The following FAM86B2 variants were observed in gnomAD, a reference collection of about 807,000 sequenced individuals.
FAM86B2 encodes putative protein N-methyltransferase FAM86B2.
A neutral mutation model predicts 26.5 loss-of-function variants in FAM86B2; 1 was observed. The observed-to-expected ratio is 0.04, with a 90% CI of 0.01 to 0.18. The LOEUF (loss-of-function observed/expected upper bound fraction) is 0.18, where lower values mean the gene tolerates loss of function less well. Ranked by LOEUF, FAM86B2 falls within the 10% of genes least tolerant of loss-of-function variation. The pLI, the probability that FAM86B2 is intolerant of heterozygous loss-of-function variation, is 1.00. For missense variants in FAM86B2, 43 were observed against 303.5 expected (o/e 0.14, Z 6.38); for synonymous variants, 11 against 127.8 (o/e 0.09, Z 6.17).
At chr8:12,426,262 G>A (rs1156835710) in intron 7 of FAM86B2, among the ~76,000 whole-genome samples, 15 of 147,214 alleles carry the variant, frequency 1.0e-4, no homozygotes, top group Non-Finnish European at 1.7e-4. Context: ...CAGGACAGAA[G>A]CAGAGATCTG....
In FAM86B2 at chr8:12,424,818, G is replaced by T. The variant is rs1180658671; in HGVS notation, c.*1071C>A. ...CTGGGGTCAGCCAAGTGGTGACCTG[G>T]GATGGGGTGGGGACAGGCAATGAGT... On this transcript the variant is annotated 3_prime_UTR_variant, in exon 8 of 8. Transcript: ENST00000262365. The T allele has an allele frequency of 5.5e-6, 5 of 906,570 alleles. No individual in the cohort carries two copies. Among genetic ancestry groups the T allele is most frequent in the Non-Finnish European group, 7.5e-6 (5 of 662,766 alleles). 56.2% of individuals were successfully genotyped at this position (906,570 alleles called of 1,614,324 possible). A position where few individuals can be genotyped will look rare whatever the true frequency, so the allele number is the denominator to read the frequency against.
At position 12,429,032 on chromosome 8, in the gene FAM86B2, G is replaced by C. The variant is rs1204276298; in HGVS notation, c.425C>G (p.Ala142Gly). The change falls in exon 5 of 8, where the codon GCC (alanine) becomes GGC (glycine). Residue 142 changes from alanine (A) to glycine (G), a missense_variant. Coordinates refer to ENST00000262365, the MANE Select transcript of FAM86B2 (RefSeq NM_001137610.3). ...GTTGLVTWDA[A>G]LYLAEWAIEN... ...GATGGCCCATTCTGCAAGGTAGAGG[G>C]CGGCATCCCATGTGACCAGGCCTGT... is the stretch of plus-strand genomic sequence containing the variant. The C allele has an allele frequency of 2.2e-6, 1 of 461,392 alleles. No individual in the cohort carries two copies. The highest frequency in any genetic ancestry group is 2.1e-5 in the South Asian group (1 of 46,594). 28.6% of individuals were successfully genotyped at this position (461,392 alleles called of 1,614,324 possible).
chr8:12,435,785 A>T (rs1368338029), intron 1 of FAM86B2, among the ~76,000 whole-genome samples: 7 of 140,456 alleles, frequency 5.0e-5, no homozygotes, highest in African/African-American at 1.8e-4. Context: ...GCCTCAGCGC[A>T]TGAGCCGATT....
rs757154686 is a variant in FAM86B2, at chr8:12,427,651, G to A, written c.892+6C>T. On this transcript the variant is annotated splice_donor_region_variant and intron_variant, in intron 7 of 7. Transcript: ENST00000262365. ...CATGTAGGCCCGGGTGGGCGTGGGG[G>A]TTCACCTAGCTCGGTGGTGAACAGC... 1.9e-5 allele frequency: 21 copies of A among 1,095,174 alleles called. 6 individuals are homozygous for A. Among genetic ancestry groups the A allele is most frequent in the East Asian group, 3.0e-5 (1 of 33,802 alleles). 67.8% of individuals were successfully genotyped at this position (1,095,174 alleles called of 1,614,324 possible). A position where few individuals can be genotyped will look rare whatever the true frequency, so the allele number is the denominator to read the frequency against.
intron 7 of FAM86B2, among the ~76,000 whole-genome samples, chr8:12,426,462 G>C (rs1333675096): frequency 2.9e-5 from 2 of 69,282 alleles, no homozygotes; most frequent in Non-Finnish European, 5.4e-5. Flanking sequence ...TCTGAAGAAA[G>C]ACTTCCTTTT....
intron 6 of FAM86B2, among the ~76,000 whole-genome samples, chr8:12,428,380 G>C (rs1489368471): frequency 6.6e-6 from 1 of 151,948 alleles, no homozygotes; most frequent in African/African-American, 2.4e-5. Context: ...ACAGGGCATG[G>C]CTCTGGGACA....
chr8:12,433,591 A>G (rs1303466652), intron 2 of FAM86B2, among the ~76,000 whole-genome samples: 2 of 147,392 alleles, frequency 1.4e-5, no homozygotes, highest in African/African-American at 5.1e-5. Flanking sequence ...TGGCTGGGCC[A>G]GGTGGTGATC....
intron 1 of FAM86B2, among the ~76,000 whole-genome samples, chr8:12,434,922 C>G (rs1383047992): frequency 1.3e-5 from 2 of 151,724 alleles, no homozygotes; most frequent in African/African-American, 4.9e-5. Flanking sequence ...GGCTTTAAAG[C>G]CACTCTCATC....
In FAM86B2 at chr8:12,429,550, A is replaced by G. The variant is rs1397657110; in HGVS notation, c.343-436T>C. Among the ~76,000 whole-genome samples, 5 of 66,098 alleles carry G rather than the reference A, an allele frequency of 7.6e-5. 2 individuals carry two copies. Among genetic ancestry groups the G allele is most frequent in the Non-Finnish European group, 1.5e-4 (5 of 34,374 alleles). The allele number at this position is 66,098 out of a possible 152,430, so 43.4% of individuals were successfully genotyped here. On this transcript the variant is annotated intron_variant, in intron 4 of 7. Transcript: ENST00000262365. ...CAGTGGCACGATCTTGGCTTACTGC[A>G]ACATCTGCCTCCTGGGTTCAAGCAA...
At chr8:12,432,643 G>GCCT in intron 2 of FAM86B2, 2 of 131,466 alleles carry the variant, frequency 1.5e-5, no homozygotes, top group Non-Finnish European at 2.4e-5. Flanking sequence ...TCCAGGCAGT[G>GCCT]GGAACAGCCT....
chr8:12,435,827 C>G (rs1472366180), intron 1 of FAM86B2, among the ~76,000 whole-genome samples: 1 of 140,084 alleles, frequency 7.1e-6, no homozygotes, highest in Non-Finnish European at 1.6e-5. Flanking sequence ...GATGAGAACA[C>G]TGAGGCACGA....
intron 7 of FAM86B2, 134 bp from the exon 8 acceptor site, chr8:12,426,123 G>A (rs7842418): frequency 0.011 from 4,122 of 373,556 alleles, 3 homozygotes; most frequent in African/African-American, 0.049. Context: ...AGGTTCGGAG[G>A]CCCACCCACA....
In FAM86B2 at chr8:12,431,529, AAAAT is replaced by A. The variant is rs1199840194; in HGVS notation, c.240+549_240+552del. 3.6e-4 allele frequency among the ~76,000 whole-genome samples: 27 copies of A among 74,446 alleles called. 2 individuals carry two copies. The highest frequency in any genetic ancestry group is 1.7e-3 in the African/African-American group (24 of 14,088). The allele number at this position is 74,446 out of a possible 152,430, so 48.8% of individuals were successfully genotyped here. On this transcript the variant is annotated intron_variant, in intron 3 of 7. Transcript: ENST00000262365. ...AACATAGTGAGACTCTGTCTCAAAA[AAAAT>A]ATATAAATAAATAAATAAATAAATA...
chr8:12,433,694 C>T (rs1182122533), intron 2 of FAM86B2, among the ~76,000 whole-genome samples: 68 of 144,514 alleles, frequency 4.7e-4, no homozygotes, highest in African/African-American at 1.3e-3. Context: ...CAGGAGTGGG[C>T]GGGACAGGCC....
chr8:12,434,842 G>C (rs1798526009), intron 1 of FAM86B2, among the ~76,000 whole-genome samples: 1 of 150,442 alleles, frequency 6.6e-6, no homozygotes, highest in Non-Finnish European at 1.5e-5. Context: ...TTTGGGGAAG[G>C]CTTCCCTGAT....
intron 6 of FAM86B2, among the ~76,000 whole-genome samples, chr8:12,428,137 C>T (rs1456792332): frequency 1.0e-4 from 13 of 126,078 alleles, no homozygotes; most frequent in African/African-American, 1.7e-4. Context: ...AGGTGTCTGC[C>T]GATTGGTCTG....
At chr8:12,433,030 TTTTTA>T (rs1798312411) in intron 2 of FAM86B2, among the ~76,000 whole-genome samples, 2 of 129,798 alleles carry the variant, frequency 1.5e-5, no homozygotes, top group Non-Finnish European at 3.2e-5. Context: ...AGCTAATTTT[TTTTTA>T]TTTTTAGTAG....
intron 1 of FAM86B2, among the ~76,000 whole-genome samples, chr8:12,434,968 C>T (rs1228387747): frequency 6.6e-6 from 1 of 151,660 alleles, no homozygotes; most frequent in African/African-American, 2.4e-5. Context: ...TTCTCTGGCT[C>T]TCCCATGCAA....
intron 1 of FAM86B2, among the ~76,000 whole-genome samples, chr8:12,434,982 G>C (rs1380139704): frequency 1.3e-5 from 2 of 151,540 alleles, no homozygotes; most frequent in Non-Finnish European, 2.9e-5. Context: ...CATGCAAGCA[G>C]AGCCTCATCT....
Sources: gnomAD v4.1 joint callset for allele counts (sites outside exome capture counted in the v4.1 genomes callset) on GRCh38, gnomAD v4.1.1 for gene constraint, MANE v1.5 for transcripts, NCBI Gene and HGNC (gene_info 2026-07-23, HGNC 2026-07-21) for gene names.